MAST4: variants seen among roughly 807,000 people sequenced by gnomAD.
The protein encoded by MAST4 is microtubule associated serine/threonine kinase family member 4.
A neutral mutation model predicts 162.7 loss-of-function variants in MAST4; 89 were observed. That is an observed-to-expected ratio of 0.55 (90% CI 0.46 to 0.65). MAST4 has a LOEUF of 0.65. Ranked by LOEUF, MAST4 falls within the 30% of genes least tolerant of loss-of-function variation. The probability of loss-of-function intolerance (pLI) is 0.00; values close to 1 mark genes in which losing one functional copy is unlikely to be tolerated. For missense variants in MAST4, 3,153 were observed against 3,374.0 expected (o/e 0.93, Z 1.62); for synonymous variants, 1,479 against 1,361.1 (o/e 1.09, Z -1.91).
intron 26 of MAST4, among the ~76,000 whole-genome samples, chr5:67,154,123 G>T (rs1772187097): frequency 6.6e-6 from 1 of 152,162 alleles, no homozygotes; most frequent in African/African-American, 2.4e-5. Context: ...CTTAAACAGG[G>T]ATCAATTTCT....
Position 67,051,524 on chromosome 5 carries a change from A to C in MAST4, c.675-2880A>C, listed in dbSNP as rs1394169977. ...TTCTTACTGTTGGAGTTAAGTGCAG[A>C]TTTTAATTCATTTATTGGGAATCAG... On this transcript the variant is annotated intron_variant, in intron 4 of 28. Coordinates refer to ENST00000403625, the MANE Select transcript of MAST4 (RefSeq NM_001164664.2). Among the ~76,000 whole-genome samples, 28 of 152,148 alleles carry C rather than the reference A, an allele frequency of 1.8e-4. 1 individual carries two copies. Among genetic ancestry groups the C allele is most frequent in the Admixed American group, 1.8e-3 (28 of 15,268 alleles).
At chr5:67,115,878 T>G (rs1478377584) in intron 12 of MAST4, among the ~76,000 whole-genome samples, 3 of 144,042 alleles carry the variant, frequency 2.1e-5, no homozygotes, top group East Asian at 4.0e-4. Context: ...TTTTAATTTG[T>G]TTTTTTTTTT....
In MAST4 at chr5:67,090,143, C is replaced by T. The variant is rs968241698; in HGVS notation, c.764-19C>T. 1.9e-6 allele frequency: 3 copies of T among 1,556,900 alleles called. No individual in the cohort carries two copies. The highest frequency in any genetic ancestry group is 1.7e-4 in the Middle Eastern group (1 of 5,944). On this transcript the variant is annotated intron_variant, in intron 5 of 28. Coordinates refer to ENST00000403625, the MANE Select transcript of MAST4 (RefSeq NM_001164664.2). ...ACACAAAATCATGTAGTAAATTTCT[C>T]TCTTTTCTCTTTCTCTAGGAAATAG... is the stretch of plus-strand genomic sequence containing the variant.
intron 6 of MAST4, chr5:67,093,535 G>A (rs1764096573): frequency 2.6e-6 from 1 of 383,968 alleles, no homozygotes; most frequent in Admixed American, 2.7e-5. Context: ...GACAACTTAG[G>A]GAACTTTATG....
intron 3 of MAST4, among the ~76,000 whole-genome samples, chr5:66,852,953 C>G (rs1044434483): frequency 1.6e-4 from 25 of 152,196 alleles, no homozygotes; most frequent in African/African-American, 5.3e-4. Context: ...AAATGACATA[C>G]TCTTCTCAAC....
intron 19 of MAST4, among the ~76,000 whole-genome samples, chr5:67,138,454 G>T (rs865787412): frequency 1.3e-5 from 2 of 152,110 alleles, no homozygotes; most frequent in Non-Finnish European, 2.9e-5. Context: ...TTTGTTTAGA[G>T]ATGGCATCTC....
Position 67,164,927 on chromosome 5 carries a change from C to T in MAST4, c.5748C>T (p.Ser1916=). Residue 1916 remains serine (S), a synonymous_variant, in exon 29 of 29, where the codon AGC becomes AGT. Coordinates refer to ENST00000403625, the MANE Select transcript of MAST4 (RefSeq NM_001164664.2). This position sits in a 1 kb window ranked among gnomAD's most constrained non-coding sequence, Gnocchi z 5.3. ...TARSPGTVME[S]NPQQREGSSP... is the part of the protein sequence containing the mutation. ...GGAGCCCTGGAACAGTCATGGAAAG[C>T]AATCCCCAACAGAGAGAGGGCAGCT... 6.2e-7 allele frequency: 1 copy of T among 1,613,992 alleles called. No individual in the cohort carries two copies. The highest frequency in any genetic ancestry group is 8.5e-7 in the Non-Finnish European group (1 of 1,179,880).
At chr5:66,685,923 C>T (rs1406029190) in intron 1 of MAST4, among the ~76,000 whole-genome samples, 1 of 152,072 alleles carries the variant, frequency 6.6e-6, no homozygotes, top group Non-Finnish European at 1.5e-5. Context: ...TGTTCCACCT[C>T]AGATCATTAG....
intron 4 of MAST4, among the ~76,000 whole-genome samples, chr5:66,906,871 G>T (rs998256809): frequency 8.5e-5 from 13 of 152,154 alleles, no homozygotes; most frequent in African/African-American, 3.1e-4. Context: ...GTCCAGAGAT[G>T]AGATGGAAGA....
chr5:67,130,558 A>G (rs1768833622), intron 15 of MAST4, 140 bp downstream of exon 15: 2 of 760,712 alleles, frequency 2.6e-6, no homozygotes, highest in Admixed American at 2.8e-5. Flanking sequence ...CTGTATTCCC[A>G]GTCATTATCT....
intron 2 of MAST4, among the ~76,000 whole-genome samples, chr5:66,766,320 A>G (rs1215164652): frequency 1.3e-5 from 2 of 152,202 alleles, no homozygotes; most frequent in African/African-American, 4.8e-5. Context: ...TAAAAGAAAG[A>G]CAAAAATCTA....
chr5:67,162,578 C>G, intron 27 of MAST4, 29 bp from the exon 28 acceptor site: 1 of 1,610,106 alleles, frequency 6.2e-7, no homozygotes, highest in South Asian at 1.1e-5. Context: ...TGAAAGAAGA[C>G]TGAACAATTT....
At chr5:67,130,741 T>C (rs943174970) in intron 15 of MAST4, among the ~76,000 whole-genome samples, 1 of 152,172 alleles carries the variant, frequency 6.6e-6, no homozygotes, top group African/African-American at 2.4e-5. Flanking sequence ...TTATTACATA[T>C]CATAAAAGTA....
At chr5:67,147,955 G>C (rs886243101) in intron 23 of MAST4, among the ~76,000 whole-genome samples, 1 of 152,190 alleles carries the variant, frequency 6.6e-6, no homozygotes, top group Admixed American at 6.5e-5. Flanking sequence ...GACTAAAGCT[G>C]CTGTCCAAGT....
intron 4 of MAST4, chr5:67,004,768 G>A: frequency 2.0e-6 from 1 of 502,284 alleles, no homozygotes; most frequent in Non-Finnish European, 3.6e-6. Context: ...CCGGACCTTT[G>A]AGAGGAGGCT....
intron 1 of MAST4, among the ~76,000 whole-genome samples, chr5:66,702,699 G>A (rs1393831825): frequency 6.6e-6 from 1 of 152,074 alleles, no homozygotes; most frequent in Non-Finnish European, 1.5e-5. Context: ...AGCAGAACAG[G>A]CAAGAAAGGA....
chr5:66,849,790 T>C (rs1759168614), intron 3 of MAST4, among the ~76,000 whole-genome samples: 1 of 152,242 alleles, frequency 6.6e-6, no homozygotes, highest in Non-Finnish European at 1.5e-5. Context: ...TGATTTTAAT[T>C]CTCTTTGTGT....
At chr5:66,830,850 T>C (rs1324980281) in intron 3 of MAST4, among the ~76,000 whole-genome samples, 1 of 152,156 alleles carries the variant, frequency 6.6e-6, no homozygotes, top group Non-Finnish European at 1.5e-5. Context: ...TAAAATTAAT[T>C]TACAAATATA....
chr5:66,897,349 A>G (rs1762749490), intron 3 of MAST4, among the ~76,000 whole-genome samples: 1 of 152,160 alleles, frequency 6.6e-6, no homozygotes, highest in African/African-American at 2.4e-5. Flanking sequence ...GGACACATAC[A>G]CGAAGTACTG....
Sources: allele counts gnomAD v4.1 joint callset (sites outside exome capture counted in the v4.1 genomes callset), GRCh38; gene constraint gnomAD v4.1.1; non-coding constraint Gnocchi (gnomAD v3.1); transcripts MANE v1.5; gene names NCBI Gene and HGNC (gene_info 2026-07-23, HGNC 2026-07-21).